TRPM6: variants seen among roughly 807,000 people sequenced by gnomAD.
TRPM6 encodes the protein transient receptor potential cation channel subfamily M member 6.
TRPM6 carries 111 observed loss-of-function variants against 247.6 expected under a neutral mutation model. The ratio of observed to expected loss-of-function variants is 0.45; its 90% CI spans 0.38 to 0.52. The LOEUF is 0.52. Ranked by LOEUF, TRPM6 falls within the 20% of genes least tolerant of loss-of-function variation. The pLI, the probability that TRPM6 is intolerant of heterozygous loss-of-function variation, is 0.00. For synonymous variants in TRPM6, 892 were observed against 853.8 expected, an observed-to-expected ratio of 1.04 and a Z score of -0.78; for missense variants, 2,126 against 2,421.5, an observed-to-expected ratio of 0.88 and a Z score of 2.56.
intron 6 of TRPM6, among the ~76,000 whole-genome samples, chr9:74,828,612 A>AT (rs1018913856): frequency 1.4e-5 from 2 of 147,100 alleles, no homozygotes; most frequent in African/African-American, 2.5e-5. Context: ...GGTTCTAAAT[A>AT]TTTTTTTTTC....
At chr9:74,869,802 C>T (rs956931729) in intron 1 of TRPM6, among the ~76,000 whole-genome samples, 12 of 151,550 alleles carry the variant, frequency 7.9e-5, no homozygotes, top group Admixed American at 4.6e-4. Flanking sequence ...TCTCGGAGAG[C>T]GGTGGGGAGG....
chr9:74,748,457 G>A (rs998880018), intron 30 of TRPM6, among the ~76,000 whole-genome samples: 4 of 152,186 alleles, frequency 2.6e-5, no homozygotes, highest in African/African-American at 9.7e-5. Flanking sequence ...CATAGGAGGT[G>A]ACAGCTCCAT....
intron 36 of TRPM6, among the ~76,000 whole-genome samples, chr9:74,735,633 C>T (rs779206931): frequency 2.9e-4 from 44 of 152,202 alleles, no homozygotes; most frequent in South Asian, 8.3e-4. Context: ...TAAAAAAATG[C>T]TATAAACCAC....
chr9:74,833,929 G>C, intron 6 of TRPM6, 69 bp downstream of exon 6: 2 of 1,592,962 alleles, frequency 1.3e-6, no homozygotes, highest in South Asian at 1.1e-5. Context: ...AGACATCCAG[G>C]TACAGTGTTA....
intron 7 of TRPM6, among the ~76,000 whole-genome samples, chr9:74,824,511 GAA>G (rs59044061): frequency 4.2e-3 from 197 of 46,684 alleles, no homozygotes; most frequent in Middle Eastern, 0.021. Context: ...GGCTTTTTCT[GAA>G]AAAAAAAAAA....
In TRPM6 at chr9:74,800,085, G is replaced by A. The variant is rs543991385; in HGVS notation, c.2238+169C>T. 8.9e-6 allele frequency: 6 copies of A among 671,234 alleles called. 1 individual carries two copies. The highest frequency in any genetic ancestry group is 8.9e-5 in the South Asian group (5 of 56,206). 41.6% of individuals were successfully genotyped at this position (671,234 alleles called of 1,614,324 possible). A position where few individuals can be genotyped will look rare whatever the true frequency, so the allele number is the denominator to read the frequency against. Reference sequence around the variant, plus strand: ...CCCGATAGAGGAAGACCAATCTTCTGTCAAGGGTATACGAGTAGCTGCAGT... The same window carrying A: ...CCCGATAGAGGAAGACCAATCTTCTATCAAGGGTATACGAGTAGCTGCAGT... On this transcript the variant is annotated intron_variant, in intron 17 of 38. Coordinates refer to ENST00000360774, the MANE Select transcript of TRPM6 (RefSeq NM_017662.5).
rs535575830 is a variant in TRPM6, at chr9:74,782,762, G to T, written c.3011C>A (p.Pro1004Gln). The T allele has an allele frequency of 6.8e-6, 11 of 1,614,082 alleles. No individual in the cohort carries two copies. In the East Asian group the frequency reaches 2.2e-4, roughly 33 times the overall value. ...ARKAILSPKE[P>Q]PSWSLARDIV... is the part of the protein sequence containing the mutation. ...ATCTCGAGCTAGACTCCAAGATGGTGGCTCTTTTGGCGAAAGGATGGCCTT... is the reference window on the plus strand; with the variant it reads ...ATCTCGAGCTAGACTCCAAGATGGTTGCTCTTTTGGCGAAAGGATGGCCTT... Residue 1004 changes from proline (P) to glutamine (Q), a missense_variant, in exon 22 of 39, where the codon CCA becomes CAA. By Grantham distance (76) the Pro-to-Gln change is moderately conservative (BLOSUM62 -1). Transcript: ENST00000360774.
chr9:74,769,927 G>A (rs1256168645), intron 25 of TRPM6, among the ~76,000 whole-genome samples: 1 of 152,098 alleles, frequency 6.6e-6, no homozygotes, highest in Non-Finnish European at 1.5e-5. Flanking sequence ...CATACAAAAC[G>A]GAGAACCAAG....
intron 24 of TRPM6, 136 bp downstream of exon 24, chr9:74,775,747 A>C: frequency 1.2e-5 from 10 of 859,870 alleles, no homozygotes; most frequent in Non-Finnish European, 1.8e-5. Context: ...GACCCAGAGC[A>C]TCAGCTGATA....
intron 27 of TRPM6, among the ~76,000 whole-genome samples, chr9:74,758,836 A>G (rs1826525351): frequency 6.6e-6 from 1 of 152,184 alleles, no homozygotes; most frequent in East Asian, 1.9e-4. Flanking sequence ...AGGAAGAAGT[A>G]AAACTATCTA....
intron 1 of TRPM6, among the ~76,000 whole-genome samples, chr9:74,860,783 C>T (rs1194876871): frequency 6.6e-6 from 1 of 152,246 alleles, no homozygotes; most frequent in African/African-American, 2.4e-5. Context: ...TTTGTGAGGC[C>T]GAGGCAGGTG....
intron 38 of TRPM6, 24 bp from the exon 39 acceptor site, chr9:74,724,770 G>A (rs1417132291): frequency 1.2e-6 from 2 of 1,613,912 alleles, no homozygotes; most frequent in Non-Finnish European, 1.7e-6. Context: ...AAGTAAAAAG[G>A]TTATAGTGGA....
chr9:74,818,270 C>T lies in TRPM6; in HGVS notation c.1135-1306G>A, dbSNP rs149681420. 1.4e-4 allele frequency among the ~76,000 whole-genome samples: 21 copies of T among 147,304 alleles called. No homozygotes were observed. The East Asian group carries it at 4.0e-3, about 28-fold the overall frequency. Reference sequence around the variant, plus strand: ...TAAGAAGATTTCAACTCTTCTGAAACTCACGTTTCAGATCTATCATTTCTT... The same window carrying T: ...TAAGAAGATTTCAACTCTTCTGAAATTCACGTTTCAGATCTATCATTTCTT... On this transcript the variant is annotated intron_variant, in intron 9 of 38. Transcript: ENST00000360774.
chr9:74,850,237 T>C (rs370654230), intron 3 of TRPM6, among the ~76,000 whole-genome samples: 1 of 151,608 alleles, frequency 6.6e-6, no homozygotes, highest in South Asian at 2.1e-4. Flanking sequence ...CTGAGCGTGG[T>C]GGCACGTGCC....
intron 1 of TRPM6, among the ~76,000 whole-genome samples, chr9:74,869,729 G>T (rs1830964710): frequency 6.6e-6 from 1 of 151,892 alleles, no homozygotes; most frequent in African/African-American, 2.4e-5. Flanking sequence ...GTAGACTAAG[G>T]GAGAAGTCAA....
rs576469556 is a variant in TRPM6 at position 74,838,821 on chromosome 9, C to G, written c.544+1203G>C. On this transcript the variant is annotated intron_variant, in intron 5 of 38. Transcript: ENST00000360774. ...AAAGTAAAGGGAAGATAGAAAACCA[C>G]AGGTTAGGCCAGACATGGTGGCTCA... Among the ~76,000 whole-genome samples the G allele has an allele frequency of 1.9e-3, 282 of 152,062 alleles. 1 individual carries two copies. Among genetic ancestry groups the G allele is most frequent in the African/African-American group, 6.4e-3 (267 of 41,518 alleles).
intron 24 of TRPM6, 69 bp downstream of exon 24, chr9:74,775,814 C>T (rs1827196684): frequency 6.7e-7 from 1 of 1,495,526 alleles, no homozygotes; most frequent in Non-Finnish European, 9.3e-7. Flanking sequence ...ATTTATAATA[C>T]TCCAGTGCAT....
intron 18 of TRPM6, among the ~76,000 whole-genome samples, chr9:74,794,256 G>A (rs957271476): frequency 6.6e-6 from 1 of 152,122 alleles, no homozygotes; most frequent in Admixed American, 6.6e-5. Flanking sequence ...TTGCAACGTA[G>A]CCACAAAAGT....
intron 3 of TRPM6, among the ~76,000 whole-genome samples, chr9:74,852,090 T>A (rs1009019173): frequency 9.9e-5 from 15 of 152,012 alleles, no homozygotes; most frequent in Non-Finnish European, 2.2e-4. Flanking sequence ...GAGCTATGAC[T>A]GTACCACCGC....
Sources: gnomAD v4.1 joint callset for allele counts (sites outside exome capture counted in the v4.1 genomes callset) on GRCh38, gnomAD v4.1.1 for gene constraint, MANE v1.5 for transcripts, NCBI Gene and HGNC (gene_info 2026-07-23, HGNC 2026-07-21) for gene names.